ALG12: variants seen among roughly 807,000 people sequenced by gnomAD.
The protein encoded by ALG12 is dol-P-Man:Man(7)GlcNAc(2)-PP-Dol alpha-1,6-mannosyltransferase.
ALG12 carries 36 observed loss-of-function variants against 46.0 expected under a neutral mutation model. The observed-to-expected ratio is 0.78, with a 90% CI of 0.60 to 1.03. The LOEUF (loss-of-function observed/expected upper bound fraction) is 1.03. Among genes scored for constraint, ALG12 ranks in the 50% least tolerant of loss-of-function variants. The probability of loss-of-function intolerance (pLI) is 0.00; values close to 1 mark genes in which losing one functional copy is unlikely to be tolerated. For missense variants in ALG12, 599 were observed against 633.5 expected (o/e 0.95, Z 0.58); for synonymous variants, 326 against 291.6 (o/e 1.12, Z -1.20).
At chr22:49,871,086 G>T in the ALG12 span, among the ~76,000 whole-genome samples, 1 of 149,598 alleles carries the variant, frequency 6.7e-6, no homozygotes, top group African/African-American at 2.5e-5. Flanking sequence ...GATTACAGGT[G>T]TGCACCACAA....
rs547640376 is a variant in ALG12, at chr22:49,909,954, G to T, written c.604C>A (p.Arg202=). The part of the protein sequence containing the change: ...GLLLLLALGN[R]KVSVVRALRH... The stretch of plus-strand genomic sequence containing the variant: ...AGGGCTCTGACTACAGAAACCTTTC[G>T]GTTGCCCAAGGCCAGCAGCAGCAGG... The change falls in exon 5 of 10, where the codon CGA becomes AGA. Residue 202 remains arginine, a synonymous_variant. Coordinates refer to ENST00000330817, the MANE Select transcript of ALG12 (RefSeq NM_024105.4). 1 of 1,614,088 alleles carries T rather than the reference G, an allele frequency of 6.2e-7. No individual in the cohort carries two copies. The highest frequency in any genetic ancestry group is 8.5e-7 in the Non-Finnish European group (1 of 1,180,000).
downstream of ALG12, among the ~76,000 whole-genome samples, chr22:49,896,697 G>A (rs555825981): frequency 1.2e-4 from 18 of 152,178 alleles, no homozygotes; most frequent in East Asian, 2.5e-3. Context: ...GTACAATGGC[G>A]TGATCTCAGC....
chr22:49,901,695 TTGTG>T lies in ALG12; in HGVS notation c.*2139_*2142del, dbSNP rs544544369. On this transcript the variant is annotated 3_prime_UTR_variant, in exon 10 of 10. Coordinates refer to ENST00000330817, the MANE Select transcript of ALG12 (RefSeq NM_024105.4). ...TATGCATGGTGTGCGCATCTGTGCA[TTGTG>T]TGTGGATGCATGTGTGGTGTGTATG... is the stretch of plus-strand genomic sequence containing the variant. The T allele has an allele frequency of 1.3e-5, 2 of 148,960 alleles. No individual in the cohort carries two copies. The highest frequency in any genetic ancestry group is 2.5e-5 in the African/African-American group (1 of 40,160). 9.2% of individuals were successfully genotyped at this position (148,960 alleles called of 1,614,324 possible). A position where few individuals can be genotyped will look rare whatever the true frequency, so the allele number is the denominator to read the frequency against.
chr22:49,903,049 C>T lies in ALG12; in HGVS notation c.*789G>A. On this transcript the variant is annotated 3_prime_UTR_variant, in exon 10 of 10. Transcript: ENST00000330817. ...TGTGCAGCAGCACCTGGTCCCATCT[C>T]CAGTGCCCAGCAGCATCACACGCAC... is the stretch of plus-strand genomic sequence containing the variant. 2 of 348,266 alleles carry T rather than the reference C, an allele frequency of 5.7e-6. No homozygotes were observed. Among genetic ancestry groups the T allele is most frequent in the Non-Finnish European group, 1.1e-5 (2 of 178,790 alleles). 21.6% of individuals were successfully genotyped at this position (348,266 alleles called of 1,614,324 possible).
At chr22:49,886,260 G>A in the ALG12 span, 66 of 1,268,234 alleles carry the variant, frequency 5.2e-5, no homozygotes, top group Non-Finnish European at 7.1e-5. This position sits in a 1 kb window ranked among gnomAD's most constrained non-coding sequence, Gnocchi z 7.7. Context: ...CGCCCAAGGC[G>A]AAGGAGAAAC....
the ALG12 span, among the ~76,000 whole-genome samples, chr22:49,881,725 G>A: frequency 3.9e-5 from 6 of 152,046 alleles, no homozygotes; most frequent in African/African-American, 1.4e-4. Flanking sequence ...AGAGAACAGG[G>A]TCTTGTTTTT....
chr22:49,912,609 C>T (rs538396389), intron 3 of ALG12, among the ~76,000 whole-genome samples: 8 of 152,356 alleles, frequency 5.3e-5, no homozygotes, highest in African/African-American at 1.9e-4. Context: ...TCTTAAAGCT[C>T]TCCACACAAG....
chr22:49,861,380 G>T, the ALG12 span, among the ~76,000 whole-genome samples: 1 of 152,142 alleles, frequency 6.6e-6, no homozygotes, highest in Non-Finnish European at 1.5e-5. Context: ...GGCTGCAAAT[G>T]ATCTGCCTGC....
chr22:49,869,440 C>G, the ALG12 span, among the ~76,000 whole-genome samples: 3 of 152,336 alleles, frequency 2.0e-5, no homozygotes, highest in East Asian at 5.8e-4. Context: ...CTTGCGTGGA[C>G]TTTAGTGTGG....
the ALG12 span, chr22:49,885,309 T>C: frequency 6.3e-7 from 1 of 1,593,016 alleles, no homozygotes; most frequent in Non-Finnish European, 8.6e-7. Context: ...CAAAAAACAA[T>C]CAAGTTATGT....
downstream of ALG12, among the ~76,000 whole-genome samples, chr22:49,899,410 G>A (rs1053210812): frequency 4.0e-5 from 6 of 151,598 alleles, no homozygotes; most frequent in Admixed American, 1.3e-4. Context: ...CCTGGGAGGC[G>A]GAGGTTGCAG....
the ALG12 span, chr22:49,885,927 G>A: frequency 3.2e-4 from 273 of 844,838 alleles, no homozygotes; most frequent in African/African-American, 3.3e-3. Flanking sequence ...CCTTCGAGTC[G>A]CCAGCCCGGC....
chr22:49,890,966 C>G, the ALG12 span, among the ~76,000 whole-genome samples: 3 of 151,666 alleles, frequency 2.0e-5, no homozygotes, highest in East Asian at 5.8e-4. Flanking sequence ...GGAGGCAGAG[C>G]TTGCAGCTAG....
intron 1 of ALG12, among the ~76,000 whole-genome samples, chr22:49,917,181 A>G (rs9616376): frequency 0.23 from 34,884 of 152,026 alleles, 4,393 homozygotes; most frequent in African/African-American, 0.34. Context: ...GCACTAGCCC[A>G]CTCTGCTGGG....
chr22:49,902,007 G>C lies in ALG12; in HGVS notation c.*1831C>G, dbSNP rs1302429627. 6.9e-6 allele frequency: 1 copy of C among 144,766 alleles called. No individual in the cohort carries two copies. Among genetic ancestry groups the C allele is most frequent in the Non-Finnish European group, 1.5e-5 (1 of 66,544 alleles). 9.0% of individuals were successfully genotyped at this position (144,766 alleles called of 1,614,324 possible). A position where few individuals can be genotyped will look rare whatever the true frequency, so the allele number is the denominator to read the frequency against. ...GTGTGTGCACGTGTGCACTGTGTAT[G>C]CATGGTAATGTGCACGCGTGCACTG... On this transcript the variant is annotated 3_prime_UTR_variant, in exon 10 of 10. Coordinates refer to ENST00000330817, the MANE Select transcript of ALG12 (RefSeq NM_024105.4).
At chr22:49,884,737 C>T in the ALG12 span, 1 of 1,593,586 alleles carries the variant, frequency 6.3e-7, no homozygotes, top group Non-Finnish European at 8.6e-7. Flanking sequence ...TCCCACTCTG[C>T]TGCCTTCCTT....
the ALG12 span, among the ~76,000 whole-genome samples, chr22:49,874,082 G>A: frequency 5.3e-5 from 8 of 152,158 alleles, no homozygotes; most frequent in Non-Finnish European, 1.2e-4. Flanking sequence ...TTATGACATC[G>A]ATGGCCCTGT....
At chr22:49,899,025 C>T (rs2060493950), downstream of ALG12, among the ~76,000 whole-genome samples, 1 of 152,180 alleles carries the variant, frequency 6.6e-6, no homozygotes, top group Non-Finnish European at 1.5e-5. Context: ...CACAGTGGCT[C>T]ACACCTGCGA....
chr22:49,904,325 C>T lies in ALG12; in HGVS notation c.1162+12G>A. 6.2e-7 allele frequency: 1 copy of T among 1,614,148 alleles called. No homozygotes were observed. Among genetic ancestry groups the T allele is most frequent in the Non-Finnish European group, 8.5e-7 (1 of 1,180,006 alleles). ...GCCACAGCAGTCCCCAGGCAGTGCC[C>T]CCAGCACCCACCTGTCTGGGGGGGC... On this transcript the variant is annotated intron_variant, in intron 8 of 9. Transcript: ENST00000330817.
Sources: allele counts gnomAD v4.1 joint callset (sites outside exome capture counted in the v4.1 genomes callset), GRCh38; gene constraint gnomAD v4.1.1; non-coding constraint Gnocchi (gnomAD v3.1); transcripts MANE v1.5; gene names NCBI Gene and HGNC (gene_info 2026-07-23, HGNC 2026-07-21).